The following PAPPA variants were observed in gnomAD, a reference collection of about 807,000 sequenced individuals.
PAPPA encodes the protein pappalysin-1.
Under a neutral mutation model 164.0 loss-of-function variants are expected in PAPPA, and 60 were observed. That is an observed-to-expected ratio of 0.37 (90% confidence interval 0.30 to 0.45). PAPPA has a LOEUF of 0.45. Ranked by LOEUF, PAPPA falls within the 20% of genes least tolerant of loss-of-function variation. PAPPA has a pLI of 1.00. For missense variants in PAPPA, 1,782 were observed against 2,087.3 expected, an observed-to-expected ratio of 0.85 and a Z score of 2.85; for synonymous variants, 875 against 814.1, an observed-to-expected ratio of 1.07 and a Z score of -1.27.
At chr9:116,382,990 T>TCTTTAG (rs1846752627) in intron 21 of PAPPA, among the ~76,000 whole-genome samples, 1 of 152,152 alleles carries the variant, frequency 6.6e-6, no homozygotes, top group Non-Finnish European at 1.5e-5. Context: ...CCTAATGAGG[T>TCTTTAG]CATTTACAGT....
intron 4 of PAPPA, among the ~76,000 whole-genome samples, chr9:116,219,638 C>G (rs1342349731): frequency 6.6e-6 from 1 of 152,152 alleles, no homozygotes; most frequent in Non-Finnish European, 1.5e-5. Context: ...GGAAATAGCT[C>G]ATCTTGCCTG....
In PAPPA at chr9:116,278,142, C is replaced by T. The variant is rs572576338; in HGVS notation, c.2953+6726C>T. 5.9e-5 allele frequency among the ~76,000 whole-genome samples: 9 copies of T among 152,318 alleles called. No homozygotes were observed. The East Asian group carries it at 1.2e-3, about 20-fold the overall frequency. ...TCACAGCATCTAGGCAGAGTCTACACATTTTAACCATGAAGTTATTCCATT... is the reference window on the plus strand; with the variant it reads ...TCACAGCATCTAGGCAGAGTCTACATATTTTAACCATGAAGTTATTCCATT... On this transcript the variant is annotated intron_variant, in intron 9 of 21. Coordinates refer to ENST00000328252, the MANE Select transcript of PAPPA (RefSeq NM_002581.5).
intron 14 of PAPPA, 116 bp downstream of exon 14, chr9:116,344,827 A>G: frequency 2.6e-6 from 2 of 765,116 alleles, no homozygotes; most frequent in Non-Finnish European, 4.2e-6. Context: ...GCCACATAGT[A>G]GGTGCTCAAT....
intron 2 of PAPPA, among the ~76,000 whole-genome samples, chr9:116,191,043 AAG>A (rs1316459712): frequency 0.27 from 38,380 of 143,984 alleles, 5,851 homozygotes; most frequent in Non-Finnish European, 0.35. Context: ...GGAGGAAGGG[AAG>A]GAGGGAGGGA....
Position 116,248,214 on chromosome 9 carries a change from C to T in PAPPA, c.2732+12577C>T, listed in dbSNP as rs954141538. Reference sequence around the variant, plus strand: ...TAGAAGAAGGAAAAGATAAATTGTACTTTAACCTTTGTAACTGAGCTAAAG... The same window carrying T: ...TAGAAGAAGGAAAAGATAAATTGTATTTTAACCTTTGTAACTGAGCTAAAG... On this transcript the variant is annotated intron_variant, in intron 7 of 21. Transcript: ENST00000328252. 6.0e-4 allele frequency among the ~76,000 whole-genome samples: 91 copies of T among 152,256 alleles called. 1 individual carries two copies. Among genetic ancestry groups the T allele is most frequent in the African/African-American group, 2.1e-3 (89 of 41,548 alleles).
At chr9:116,333,927 T>C (rs1349667124) in intron 12 of PAPPA, among the ~76,000 whole-genome samples, 3 of 152,134 alleles carry the variant, frequency 2.0e-5, no homozygotes, top group Non-Finnish European at 2.9e-5. Context: ...GCTTCACCTC[T>C]GGAACTGAGA....
chr9:116,260,648 A>G (rs1037350138), intron 7 of PAPPA, among the ~76,000 whole-genome samples: 1 of 152,188 alleles, frequency 6.6e-6, no homozygotes, highest in African/African-American at 2.4e-5. Flanking sequence ...GGAAAAGCTC[A>G]AGACATAAGG....
intron 4 of PAPPA, among the ~76,000 whole-genome samples, chr9:116,218,058 GT>G (rs1327521756): frequency 6.6e-6 from 1 of 152,204 alleles, no homozygotes; most frequent in Non-Finnish European, 1.5e-5. Flanking sequence ...GCCATAGAAT[GT>G]TTGGTATTCA....
At chr9:116,206,577 A>C (rs1844238213) in intron 2 of PAPPA, among the ~76,000 whole-genome samples, 1 of 152,198 alleles carries the variant, frequency 6.6e-6, no homozygotes, top group South Asian at 2.1e-4. Context: ...CCAGGTATCA[A>C]GCTTTGTGCG....
chr9:116,162,179 A>G (rs1375117948), intron 1 of PAPPA, among the ~76,000 whole-genome samples: 1 of 152,220 alleles, frequency 6.6e-6, no homozygotes, highest in Non-Finnish European at 1.5e-5. Flanking sequence ...CTTGCTCTGC[A>G]ATAAGAAGCT....
chr9:116,292,231 A>G lies in PAPPA; in HGVS notation c.2954-10526A>G, dbSNP rs77216992. 2.9e-3 allele frequency among the ~76,000 whole-genome samples: 447 copies of G among 152,324 alleles called. 4 individuals are homozygous for G. The highest frequency in any genetic ancestry group is 0.01 in the African/African-American group (431 of 41,580). On this transcript the variant is annotated intron_variant, in intron 9 of 21. Transcript: ENST00000328252. ...ACTCTTCCACATGAGATGTTAAGCC[A>G]TTGAGGAGTTTTAGATGAGGGGCAT...
intron 2 of PAPPA, among the ~76,000 whole-genome samples, chr9:116,188,470 C>T (rs1458445692): frequency 6.6e-6 from 1 of 151,992 alleles, no homozygotes; most frequent in Admixed American, 6.6e-5. Context: ...CTCAAAGAGC[C>T]CAGAGTTCAA....
At chr9:116,373,036 C>T (rs1010501474) in intron 19 of PAPPA, among the ~76,000 whole-genome samples, 3 of 152,110 alleles carry the variant, frequency 2.0e-5, no homozygotes, top group African/African-American at 7.2e-5. Flanking sequence ...ACAGAGAATG[C>T]AAAATTCAGT....
intron 1 of PAPPA, among the ~76,000 whole-genome samples, chr9:116,175,876 A>T (rs1843828166): frequency 6.6e-6 from 1 of 152,192 alleles, no homozygotes. Flanking sequence ...TCAACAACTA[A>T]ACAACCAAAA....
intron 5 of PAPPA, among the ~76,000 whole-genome samples, chr9:116,226,451 A>T (rs576149945): frequency 1.6e-4 from 25 of 152,340 alleles, no homozygotes; most frequent in African/African-American, 3.4e-4. Context: ...TCAGGTAGCC[A>T]AAGCACAGAA....
At chr9:116,221,194 A>G (rs1489034036) in intron 5 of PAPPA, among the ~76,000 whole-genome samples, 2 of 152,132 alleles carry the variant, frequency 1.3e-5, no homozygotes, top group Non-Finnish European at 1.5e-5. Context: ...TTTCCCCCAT[A>G]TAAACTCCTT....
chr9:116,176,040 G>A (rs1843830029), intron 1 of PAPPA, among the ~76,000 whole-genome samples: 1 of 152,164 alleles, frequency 6.6e-6, no homozygotes, highest in Non-Finnish European at 1.5e-5. Context: ...CCAGATAGCA[G>A]GTGCTCATCA....
chr9:116,333,906 T>C (rs1336058980), intron 12 of PAPPA, among the ~76,000 whole-genome samples: 2 of 152,064 alleles, frequency 1.3e-5, no homozygotes, highest in African/African-American at 4.8e-5. Context: ...ATCCCAGCAT[T>C]CTCCGAGGCA....
chr9:116,229,558 T>A (rs2118729128), intron 6 of PAPPA, among the ~76,000 whole-genome samples: 1 of 152,316 alleles, frequency 6.6e-6, no homozygotes, highest in African/African-American at 2.4e-5. Context: ...GTTCAGAACA[T>A]GTAAAACAAG....
Sources: gnomAD v4.1 joint callset for allele counts (sites outside exome capture counted in the v4.1 genomes callset) on GRCh38, gnomAD v4.1.1 for gene constraint, MANE v1.5 for transcripts, NCBI Gene and HGNC (gene_info 2026-07-23, HGNC 2026-07-21) for gene names.